The following SPAG16 variants were observed in gnomAD, a reference collection of about 807,000 sequenced individuals.
SPAG16 encodes sperm-associated antigen 16 protein.
SPAG16 carries 86 observed loss-of-function variants against 80.4 expected under a neutral mutation model. The observed-to-expected ratio is 1.07, with a 90% confidence interval of 0.90 to 1.28. SPAG16 has a LOEUF of 1.28. Ranked by LOEUF, SPAG16 falls within the 50% of genes most tolerant of loss-of-function variation. The probability of loss-of-function intolerance (pLI) is 0.00; values close to 1 mark genes in which losing one functional copy is unlikely to be tolerated. For synonymous variants in SPAG16, 294 were observed against 265.9 expected, an observed-to-expected ratio of 1.11 and a Z score of -1.03; for missense variants, 870 against 765.3, an observed-to-expected ratio of 1.14 and a Z score of -1.61.
intron 13 of SPAG16, among the ~76,000 whole-genome samples, chr2:214,041,111 T>C (rs1009080260): frequency 2.6e-5 from 4 of 151,980 alleles, no homozygotes; most frequent in Admixed American, 2.6e-4. Context: ...AATATATTCT[T>C]TCTTGGGTAT....
At chr2:214,302,574 G>A (rs1694628859) in intron 15 of SPAG16, among the ~76,000 whole-genome samples, 1 of 152,222 alleles carries the variant, frequency 6.6e-6, no homozygotes, top group Non-Finnish European at 1.5e-5. Context: ...TCTGCCTCCT[G>A]GGTTCAAGCG....
intron 15 of SPAG16, among the ~76,000 whole-genome samples, chr2:214,385,517 A>G (rs1700700843): frequency 6.6e-6 from 1 of 152,156 alleles, no homozygotes; most frequent in Admixed American, 6.5e-5. Flanking sequence ...TTGTGAGAGA[A>G]TATTTTTATT....
intron 14 of SPAG16, among the ~76,000 whole-genome samples, chr2:214,119,079 G>T (rs897372870): frequency 1.3e-5 from 2 of 151,876 alleles, no homozygotes; most frequent in East Asian, 3.9e-4. Context: ...ATATCACATT[G>T]TATCCATAAA....
intron 10 of SPAG16, among the ~76,000 whole-genome samples, chr2:213,712,030 T>C (rs962622440): frequency 2.6e-5 from 4 of 152,048 alleles, no homozygotes; most frequent in African/African-American, 9.7e-5. Context: ...TCTACACAAA[T>C]GGCATTCTCA....
chr2:213,337,700 A>C (rs2064442579), intron 5 of SPAG16, among the ~76,000 whole-genome samples: 1 of 152,182 alleles, frequency 6.6e-6, no homozygotes, highest in Non-Finnish European at 1.5e-5. Flanking sequence ...GAATGAAAAA[A>C]ACCTCTGAGA....
intron 15 of SPAG16, among the ~76,000 whole-genome samples, chr2:214,304,188 C>T (rs974176): frequency 0.36 from 55,069 of 152,048 alleles, 10,234 homozygotes; most frequent in East Asian, 0.54. Context: ...AGGACATAAT[C>T]TTGTTCTTTG....
intron 15 of SPAG16, among the ~76,000 whole-genome samples, chr2:214,363,011 C>G (rs60358609): frequency 0.018 from 2,711 of 151,952 alleles, 71 homozygotes; most frequent in African/African-American, 0.062. Flanking sequence ...TACCAGGACT[C>G]TTAATACCAT....
At chr2:213,527,251 G>A (rs1383527533) in intron 10 of SPAG16, among the ~76,000 whole-genome samples, 1 of 152,118 alleles carries the variant, frequency 6.6e-6, no homozygotes, top group African/African-American at 2.4e-5. Flanking sequence ...ATATTTTTCA[G>A]GGTTCTGAGA....
intron 5 of SPAG16, among the ~76,000 whole-genome samples, chr2:213,329,450 C>T (rs2063990788): frequency 6.6e-6 from 1 of 152,130 alleles, no homozygotes; most frequent in Admixed American, 6.5e-5. Context: ...AGCAAAGAGA[C>T]TGGTGATATT....
chr2:214,410,418 C>T lies in SPAG16; in HGVS notation c.*103C>T. 2.8e-6 allele frequency: 3 copies of T among 1,080,630 alleles called. No individual in the cohort carries two copies. The highest frequency in any genetic ancestry group is 2.7e-6 in the Non-Finnish European group (2 of 753,620). 66.9% of individuals were successfully genotyped at this position (1,080,630 alleles called of 1,614,324 possible). ...ACTGGTTAAATGTGCCAGCAGGTAA[C>T]ATTTACAGTCTGCTTTAAAACATGC... is the stretch of plus-strand genomic sequence containing the variant. On this transcript the variant is annotated 3_prime_UTR_variant, in exon 16 of 16. Transcript: ENST00000331683.
In SPAG16 at chr2:213,859,205, AAAAAAAAAAAAC is replaced by A. The variant is rs1245699006; in HGVS notation, c.1071-3279_1071-3268del. Among the ~76,000 whole-genome samples, 840 of 129,396 alleles carry A rather than the reference AAAAAAAAAAAAC, an allele frequency of 6.5e-3. 63 individuals are homozygous for A. The highest frequency in any genetic ancestry group is 0.016 in the African/African-American group (491 of 29,958). 84.9% of individuals were successfully genotyped at this position (129,396 alleles called of 152,430 possible). On this transcript the variant is annotated intron_variant, in intron 10 of 15. Coordinates refer to ENST00000331683, the MANE Select transcript of SPAG16 (RefSeq NM_024532.5). Reference sequence around the variant, plus strand: ...AAAAAAAAAAAAAAAAAAAAAAAAAAAAAAAAAAAAACTCAATGTCCTCTGACAACTTGATGT... The same window carrying A: ...AAAAAAAAAAAAAAAAAAAAAAAAAATCAATGTCCTCTGACAACTTGATGT...
intron 10 of SPAG16, among the ~76,000 whole-genome samples, chr2:213,828,094 A>C (rs1418124077): frequency 1.3e-5 from 2 of 151,970 alleles, no homozygotes; most frequent in African/African-American, 4.8e-5. Flanking sequence ...CTTTTGAATA[A>C]ATTTTCTACC....
rs1470531316 is a variant in SPAG16, at chr2:213,859,199, AAAAAAAAAAAAAAAAAAC to A, written c.1071-3285_1071-3268del. ...GTCTCAAAAAAAAAAAAAAAAAAAA[AAAAAAAAAAAAAAAAAAC>A]TCAATGTCCTCTGACAACTTGATGT... On this transcript the variant is annotated intron_variant, in intron 10 of 15. Transcript: ENST00000331683. Among the ~76,000 whole-genome samples, 53 of 139,872 alleles carry A rather than the reference AAAAAAAAAAAAAAAAAAC, an allele frequency of 3.8e-4. 1 individual carries two copies. The highest frequency in any genetic ancestry group is 3.6e-3 in the Middle Eastern group (1 of 278). 91.8% of individuals were successfully genotyped at this position (139,872 alleles called of 152,430 possible). A position where few individuals can be genotyped will look rare whatever the true frequency, so the allele number is the denominator to read the frequency against.
At chr2:213,757,463 A>G (rs929019754) in intron 10 of SPAG16, among the ~76,000 whole-genome samples, 1 of 152,202 alleles carries the variant, frequency 6.6e-6, no homozygotes, top group African/African-American at 2.4e-5. Context: ...TTACAAAATT[A>G]CAGTAGTTAA....
intron 10 of SPAG16, among the ~76,000 whole-genome samples, chr2:213,598,614 T>C (rs1262484365): frequency 6.6e-6 from 1 of 152,234 alleles, no homozygotes; most frequent in African/African-American, 2.4e-5. Flanking sequence ...AATTGTTTCT[T>C]ATGTTTTCTC....
chr2:214,289,169 AATATTTTCTCCC>A (rs2125927081), intron 15 of SPAG16, among the ~76,000 whole-genome samples: 1 of 152,250 alleles, frequency 6.6e-6, no homozygotes, highest in African/African-American at 2.4e-5. Context: ...ATAGCTGGCA[AATATTTTCTCCC>A]ATTCAACAGG....
intron 9 of SPAG16, among the ~76,000 whole-genome samples, chr2:213,427,655 CAG>C (rs2070020786): frequency 6.6e-6 from 1 of 152,092 alleles, no homozygotes; most frequent in Non-Finnish European, 1.5e-5. Context: ...ACAGAAAAAT[CAG>C]AGAAAATGAT....
chr2:213,574,118 G>A (rs981034208), intron 10 of SPAG16, among the ~76,000 whole-genome samples: 1 of 152,082 alleles, frequency 6.6e-6, no homozygotes, highest in South Asian at 2.1e-4. Flanking sequence ...CTGTATTTTA[G>A]CAAGTTTATT....
chr2:213,718,636 C>G (rs2066361423), intron 10 of SPAG16, among the ~76,000 whole-genome samples: 1 of 152,156 alleles, frequency 6.6e-6, no homozygotes. Flanking sequence ...AGCACCCGGG[C>G]CAGTGGCTGC....
Sources: gnomAD v4.1 joint callset for allele counts (sites outside exome capture counted in the v4.1 genomes callset) on GRCh38, gnomAD v4.1.1 for gene constraint, MANE v1.5 for transcripts, NCBI Gene and HGNC (gene_info 2026-07-23, HGNC 2026-07-21) for gene names.